Variants in CLDN18 observed in about 807,000 individuals in gnomAD.
The protein encoded by CLDN18 is claudin-18.
In CLDN18, 20 loss-of-function variants were observed where a neutral mutation model predicts 25.0. The ratio of observed to expected loss-of-function variants is 0.80; its 90% CI spans 0.56 to 1.16. The LOEUF is 1.16. Ranked by LOEUF, CLDN18 falls within the 50% of genes most tolerant of loss-of-function variation. CLDN18 has a pLI of 0.00. For synonymous variants in CLDN18, 125 were observed against 135.6 expected (o/e 0.92, Z 0.54); for missense variants, 297 against 345.4 (o/e 0.86, Z 1.11).
chr3:137,999,100 G>A (rs1941987720), intron 1 of CLDN18: 1 of 1,612,024 alleles, frequency 6.2e-7, no homozygotes, highest in East Asian at 2.2e-5. Flanking sequence ...TAAGGGCCAG[G>A]TGTCTGGCTG....
At position 138,001,883 on chromosome 3, in the gene CLDN18, A is replaced by G. The variant is rs1406758031; in HGVS notation, c.220+2795A>G. Among the ~76,000 whole-genome samples the G allele has an allele frequency of 2.0e-5, 3 of 152,288 alleles. No homozygotes were observed. The East Asian group carries it at 5.8e-4, about 29-fold the overall frequency. ...TGTCTTATACAAGTACAAAAACCACATTTGCAAATGTAAGATACATAAAAC... is the reference window on the plus strand; with the variant it reads ...TGTCTTATACAAGTACAAAAACCACGTTTGCAAATGTAAGATACATAAAAC... On this transcript the variant is annotated intron_variant, in intron 1 of 4. Transcript: ENST00000343735.
chr3:138,017,627 C>T (rs7637370), intron 1 of CLDN18, among the ~76,000 whole-genome samples: 57,070 of 152,002 alleles, frequency 0.38, 11,889 homozygotes, highest in Middle Eastern at 0.59. Context: ...TCACTGGTTG[C>T]GAAACCAGTT....
At chr3:137,999,707 T>A (rs968507700) in intron 1 of CLDN18, among the ~76,000 whole-genome samples, 3 of 152,178 alleles carry the variant, frequency 2.0e-5, no homozygotes, top group Non-Finnish European at 2.9e-5. Flanking sequence ...GCACAGGGGA[T>A]TCTGCTGTGG....
intron 1 of CLDN18, among the ~76,000 whole-genome samples, chr3:138,018,422 C>T (rs867326084): frequency 2.1e-4 from 32 of 149,938 alleles, no homozygotes; most frequent in Middle Eastern, 6.9e-3. Flanking sequence ...CTGCAAGCTC[C>T]GCCTCCCGGG....
In CLDN18 at chr3:138,010,301, G is replaced by A. The variant is rs771924320; in HGVS notation, c.76G>A (p.Gly26Arg). 18 of 1,614,042 alleles carry A rather than the reference G, an allele frequency of 1.1e-5. No homozygotes were observed. The highest frequency in any genetic ancestry group is 1.4e-5 in the Non-Finnish European group (17 of 1,180,050). Residue 26 changes from glycine (G) to arginine (R), a missense_variant, in exon 1 of 5, where the codon GGG (glycine) becomes AGG (arginine). By Grantham distance (125) the Gly-to-Arg change is moderately radical (BLOSUM62 -2). Transcript: ENST00000183605. ...GCTGGCCGGCTGCATCGCGGCCACC[G>A]GGATGGACATGTGGAGCACCCAGGA... ...LGLAGCIAAT[G>R]MDMWSTQDLY...
chr3:138,003,945 G>T (rs1194725295), intron 1 of CLDN18, among the ~76,000 whole-genome samples: 5 of 152,172 alleles, frequency 3.3e-5, no homozygotes, highest in Admixed American at 3.3e-4. Flanking sequence ...GCCAAGGCAG[G>T]GGAATCATTT....
chr3:138,002,195 G>A (rs1942026170), intron 1 of CLDN18, among the ~76,000 whole-genome samples: 1 of 152,116 alleles, frequency 6.6e-6, no homozygotes, highest in Non-Finnish European at 1.5e-5. Flanking sequence ...TCTACGACTT[G>A]GTAGTTCTCT....
At chr3:138,003,462 C>T (rs958377090) in intron 1 of CLDN18, among the ~76,000 whole-genome samples, 11 of 152,034 alleles carry the variant, frequency 7.2e-5, no homozygotes, top group African/African-American at 9.7e-5. Context: ...CACAGTGGCA[C>T]GAGAGAATGT....
intron 1 of CLDN18, among the ~76,000 whole-genome samples, chr3:138,017,250 G>C (rs181582507): frequency 6.6e-6 from 1 of 152,146 alleles, no homozygotes; most frequent in Non-Finnish European, 1.5e-5. Context: ...ATCACTTAAG[G>C]TTCTGTGTTC....
chr3:138,003,314 G>C (rs528573779), intron 1 of CLDN18, among the ~76,000 whole-genome samples: 2 of 152,280 alleles, frequency 1.3e-5, no homozygotes, highest in African/African-American at 4.8e-5. Flanking sequence ...GTCTGGTACA[G>C]GGTGCAGACC....
At chr3:138,018,578 C>T (rs916407398) in intron 1 of CLDN18, among the ~76,000 whole-genome samples, 8 of 152,104 alleles carry the variant, frequency 5.3e-5, no homozygotes, top group Non-Finnish European at 1.0e-4. Flanking sequence ...CCTCGTGATC[C>T]GCCCGCCTCG....
chr3:138,006,805 AT>A (rs1433953265), upstream of CLDN18, among the ~76,000 whole-genome samples: 1 of 152,202 alleles, frequency 6.6e-6, no homozygotes, highest in East Asian at 1.9e-4. Context: ...CTCATTCAGT[AT>A]TCTGCCTAGG....
rs376909166 is a variant in CLDN18, at chr3:138,018,764, C to T, written c.221-4894C>T. On this transcript the variant is annotated intron_variant, in intron 1 of 4. Transcript: ENST00000183605. ...TTTGGAGGGAAACACACATTCAAAT[C>T]ATAGCAGAGGTGAAGAGGAAGGTCA... 7.2e-5 allele frequency among the ~76,000 whole-genome samples: 11 copies of T among 152,316 alleles called. No individual in the cohort carries two copies. In the East Asian group the frequency reaches 9.6e-4, roughly 13 times the overall value.
In CLDN18 at chr3:138,033,181, A is replaced by C. The variant is rs901985130; in HGVS notation, c.*2040A>C. The C allele has an allele frequency of 3.3e-5, 5 of 152,266 alleles. No homozygotes were observed. Among genetic ancestry groups the C allele is most frequent in the African/African-American group, 1.2e-4 (5 of 41,468 alleles). 9.4% of individuals were successfully genotyped at this position (152,266 alleles called of 1,614,324 possible). On this transcript the variant is annotated 3_prime_UTR_variant, in exon 5 of 5. Coordinates refer to ENST00000183605, the MANE Select transcript of CLDN18 (RefSeq NM_016369.4). ...AAATAACAAGTTGTGTTCAAGAGTCAGAGCAGTGAGCTCAGAGGCCCTTCT... is the reference window on the plus strand; with the variant it reads ...AAATAACAAGTTGTGTTCAAGAGTCCGAGCAGTGAGCTCAGAGGCCCTTCT...
chr3:138,022,452 C>A (rs967434134), intron 1 of CLDN18, among the ~76,000 whole-genome samples: 1 of 152,128 alleles, frequency 6.6e-6, no homozygotes, highest in Non-Finnish European at 1.5e-5. Flanking sequence ...ATTTGACATG[C>A]CTGTGACACT....
chr3:137,999,147 A>C (rs2107872154), intron 1 of CLDN18: 1 of 1,500,588 alleles, frequency 6.7e-7, no homozygotes, highest in Non-Finnish European at 9.3e-7. Flanking sequence ...AGGAAACTGC[A>C]GGCTCTGTCT....
intron 1 of CLDN18, among the ~76,000 whole-genome samples, chr3:138,001,552 G>A (rs1942016364): frequency 6.6e-6 from 1 of 152,112 alleles, no homozygotes. Context: ...TGGAGAGATA[G>A]GGAGATGGAG....
chr3:138,026,095 C>A (rs1466834214), intron 3 of CLDN18, among the ~76,000 whole-genome samples: 1 of 152,158 alleles, frequency 6.6e-6, no homozygotes, highest in South Asian at 2.1e-4. Flanking sequence ...AGAAGTCTTA[C>A]AAGACAGCCC....
rs1942421072 is a variant in CLDN18 at position 138,033,513 on chromosome 3, T to C, written c.*2372T>C. 6.6e-6 allele frequency: 1 copy of C among 152,252 alleles called. No homozygotes were observed. The highest frequency in any genetic ancestry group is 1.5e-5 in the Non-Finnish European group (1 of 68,050). The allele number at this position is 152,252 out of a possible 1,614,324, so 9.4% of individuals were successfully genotyped here. On this transcript the variant is annotated 3_prime_UTR_variant, in exon 5 of 5. Coordinates refer to ENST00000183605, the MANE Select transcript of CLDN18 (RefSeq NM_016369.4). ...TAATTAGCGCATTCTCTATCCAACA[T>C]TTAATTGTTTGAAAGCCTCCATATA...
Sources: gnomAD v4.1 joint callset for allele counts (sites outside exome capture counted in the v4.1 genomes callset) on GRCh38, gnomAD v4.1.1 for gene constraint, MANE v1.5 for transcripts, NCBI Gene and HGNC (gene_info 2026-07-23, HGNC 2026-07-21) for gene names.